Variants in ERCC5 observed in about 807,000 individuals in gnomAD.
ERCC5 encodes the protein DNA excision repair protein ERCC-5.
A neutral mutation model predicts 105.6 loss-of-function variants in ERCC5; 68 were observed. The observed-to-expected ratio is 0.64, with a 90% CI of 0.53 to 0.79. The LOEUF is 0.79. Ranked by LOEUF, ERCC5 falls within the 30% of genes least tolerant of loss-of-function variation. The probability of loss-of-function intolerance (pLI) is 0.00; values close to 1 mark genes in which losing one functional copy is unlikely to be tolerated. For synonymous variants in ERCC5, 546 were observed against 526.2 expected, an observed-to-expected ratio of 1.04 and a Z score of -0.51; for missense variants, 1,373 against 1,426.7, an observed-to-expected ratio of 0.96 and a Z score of 0.61.
intron 1 of ERCC5, chr13:102,849,358 A>G (rs768789289): frequency 1.9e-6 from 1 of 518,880 alleles, no homozygotes; most frequent in Non-Finnish European, 3.8e-6. Flanking sequence ...TGGCCGTATC[A>G]CCTCCTGCCA....
chr13:102,868,215 A>G lies in ERCC5; in HGVS notation c.2636A>G (p.Asn879Ser), dbSNP rs4150342. 18,736 of 1,614,222 alleles carry G rather than the reference A, an allele frequency of 0.012. 134 individuals are homozygous for G. The highest frequency in any genetic ancestry group is 0.019 in the Middle Eastern group (113 of 6,062). ...VGCVTAMEILNEFPGHGLEPL... is the reference protein window; with the variant it reads ...VGCVTAMEILSEFPGHGLEPL... ...TGTGTAACCGCCATGGAAATTCTCA[A>G]TGAATTCCCTGGGCATGGCCTGGAA... The change falls in exon 12 of 15, where the codon AAT (asparagine) becomes AGT (serine). Residue 879 changes from asparagine (N) to serine (S), a missense_variant. Around this residue, in one of 3 missense-constraint regions of ERCC5, gnomAD observed 2 missense variants for 16.8 expected, o/e 0.12. Coordinates refer to ENST00000652225, the MANE Select transcript of ERCC5 (RefSeq NM_000123.4).
At chr13:102,863,287 G>C (rs959970700) in intron 8 of ERCC5, among the ~76,000 whole-genome samples, 184 bp downstream of exon 8, 5 of 152,178 alleles carry the variant, frequency 3.3e-5, no homozygotes, top group African/African-American at 4.8e-5. Context: ...CCTTCCCTGT[G>C]TTGCTCTGCT....
In ERCC5 at chr13:102,854,303, C is replaced by A. The variant is rs1882317917; in HGVS notation, c.396C>A (p.Pro132=). 2 of 1,614,182 alleles carry A rather than the reference C, an allele frequency of 1.2e-6. No individual in the cohort carries two copies. Among genetic ancestry groups the A allele is most frequent in the Non-Finnish European group, 1.7e-6 (2 of 1,180,028 alleles). ...AFRSKRDEAL[P]SLTQVRREND... is the part of the protein sequence containing the mutation. ...TACTTTCCAGAGATGAAGCACTACC[C>A]AGTCTTACCCAAGTTCGAAGAGAAA... is the stretch of plus-strand genomic sequence containing the variant. Residue 132 remains proline (P), a synonymous_variant, in exon 4 of 15, where the codon CCC becomes CCA. Coordinates refer to ENST00000652225, the MANE Select transcript of ERCC5 (RefSeq NM_000123.4).
chr13:102,868,072 A>G, intron 11 of ERCC5, 41 bp from the exon 12 acceptor site: 1 of 1,581,842 alleles, frequency 6.3e-7, no homozygotes, highest in East Asian at 2.3e-5. Context: ...ATGTCATATA[A>G]GAAATCTTGA....
In ERCC5 at chr13:102,855,963, C is replaced by T; in HGVS notation, c.468-89C>T. On this transcript the variant is annotated intron_variant, in intron 4 of 14. Transcript: ENST00000652225. ...TTGCTGTTTTATTCACCACTGTAGC[C>T]CGTATAACGAGCAGAGCCTTGCATA... is the stretch of plus-strand genomic sequence containing the variant. 3 of 1,292,360 alleles carry T rather than the reference C, an allele frequency of 2.3e-6. No individual in the cohort carries two copies. In the South Asian group the frequency reaches 3.6e-5, roughly 15 times the overall value. The allele number at this position is 1,292,360 out of a possible 1,614,324, so 80.1% of individuals were successfully genotyped here. A position where few individuals can be genotyped will look rare whatever the true frequency, so the allele number is the denominator to read the frequency against.
In ERCC5 at chr13:102,846,297, G is replaced by A; in HGVS notation, c.31G>A (p.Glu11Lys). The change falls in exon 1 of 15, where the codon GAG becomes AAG. Residue 11 changes from glutamate (E) to lysine (K), a missense_variant. By Grantham distance (56) the Glu-to-Lys change is moderately conservative (BLOSUM62 1). Around this residue, in one of 3 missense-constraint regions of ERCC5, gnomAD observed 1,004 missense variants for 1,059.7 expected, o/e 0.95. Coordinates refer to ENST00000652225, the MANE Select transcript of ERCC5 (RefSeq NM_000123.4). ...GGTCCAGGGGCTCTGGAAGCTGCTG[G>A]AGTGCTCCGGGCGGCAGGTCAGCCC... Reference protein sequence around the residue: MGVQGLWKLLECSGRQVSPEA... With the variant: MGVQGLWKLLKCSGRQVSPEA... The A allele has an allele frequency of 6.2e-7, 1 of 1,614,018 alleles. No homozygotes were observed.
At chr13:102,858,251 G>C (rs1882495641) in intron 5 of ERCC5, 24 bp from the exon 6 acceptor site, 1 of 1,613,882 alleles carries the variant, frequency 6.2e-7, no homozygotes, top group Non-Finnish European at 8.5e-7. Flanking sequence ...TAAATTTCAT[G>C]GTGCTGTGAT....
At chr13:102,857,655 A>C (rs1882474342) in intron 5 of ERCC5, among the ~76,000 whole-genome samples, 1 of 152,174 alleles carries the variant, frequency 6.6e-6, no homozygotes, top group Non-Finnish European at 1.5e-5. Context: ...CTTATGTTAT[A>C]AGCAAAATAA....
At chr13:102,863,766 T>G (rs932804630) in intron 8 of ERCC5, among the ~76,000 whole-genome samples, 1 of 152,152 alleles carries the variant, frequency 6.6e-6, no homozygotes, top group Non-Finnish European at 1.5e-5. Context: ...CTGAGAGAGA[T>G]GACCAGAGGG....
intron 1 of ERCC5, among the ~76,000 whole-genome samples, chr13:102,850,245 G>A (rs1882155861): frequency 6.6e-6 from 1 of 152,100 alleles, no homozygotes; most frequent in Non-Finnish European, 1.5e-5. Flanking sequence ...TTTTTAAATA[G>A]GAATGTATAC....
chr13:102,875,553 A>C lies in ERCC5; in HGVS notation c.3211A>C (p.Lys1071Gln). 1 of 1,613,062 alleles carries C rather than the reference A, an allele frequency of 6.2e-7. No individual in the cohort carries two copies. Among genetic ancestry groups the C allele is most frequent in the East Asian group, 2.2e-5 (1 of 44,884 alleles). ...TACCTTAGAAGAGTCATCAAGCCTG[A>C]AAAGAAAGAGGCTTTCAGATTCTAA... ...TNTLEESSSL[K>Q]RKRLSDSKGK... Residue 1071 changes from lysine (K) to glutamine (Q), a missense_variant, in exon 15 of 15, where the codon AAA becomes CAA. Physicochemically the swap from Lys to Gln is moderately conservative, Grantham distance 53. Coordinates refer to ENST00000652225, the MANE Select transcript of ERCC5 (RefSeq NM_000123.4).
chr13:102,864,790 C>G (rs1566470074), intron 8 of ERCC5: 1 of 152,044 alleles, frequency 6.6e-6, no homozygotes, highest in Non-Finnish European at 1.5e-5. Context: ...AGCAACAGTG[C>G]CAGGAAGTAT....
At chr13:102,854,443 G>A in intron 4 of ERCC5, 69 bp downstream of exon 4, 2 of 1,461,774 alleles carry the variant, frequency 1.4e-6, no homozygotes, top group Non-Finnish European at 1.9e-6. Context: ...AAACCTTGAT[G>A]TGTTATCTAC....
chr13:102,848,364 A>G (rs1566462789), intron 1 of ERCC5, among the ~76,000 whole-genome samples: 2 of 152,204 alleles, frequency 1.3e-5, no homozygotes, highest in African/African-American at 4.8e-5. Flanking sequence ...TTGTATCTCT[A>G]TACTAAATTG....
chr13:102,855,686 T>C (rs1882386894), intron 4 of ERCC5, among the ~76,000 whole-genome samples: 1 of 152,232 alleles, frequency 6.6e-6, no homozygotes, highest in South Asian at 2.1e-4. Context: ...TTAGTTCTTT[T>C]GCCTGGAACA....
Position 102,873,356 on chromosome 13 carries a change from G to C in ERCC5, c.2964+13G>C. On this transcript the variant is annotated intron_variant, in intron 14 of 14. Coordinates refer to ENST00000652225, the MANE Select transcript of ERCC5 (RefSeq NM_000123.4). ...CGATGCCCAGCAGGTAATCATGGTG[G>C]ACCCTTCTCCTAAGTTCAGGATGAA... 6.2e-7 allele frequency: 1 copy of C among 1,614,066 alleles called. No homozygotes were observed. The highest frequency in any genetic ancestry group is 8.5e-7 in the Non-Finnish European group (1 of 1,179,974).
Position 102,872,242 on chromosome 13 carries a change from A to T in ERCC5, c.2723A>T (p.Asn908Ile). 6.2e-7 allele frequency: 1 copy of T among 1,614,058 alleles called. No homozygotes were observed. The highest frequency in any genetic ancestry group is 8.5e-7 in the Non-Finnish European group (1 of 1,180,016). The change falls in exon 13 of 15, where the codon AAT becomes ATT. Residue 908 changes from asparagine (N) to isoleucine (I), a missense_variant. Asn to Ile is a moderately radical substitution (Grantham distance 149). Around this residue, in one of 3 missense-constraint regions of ERCC5, gnomAD observed 367 missense variants for 350.2 expected, o/e 1.05. Transcript: ENST00000652225. ...EAQKNPKIRP[N>I]PHDTKVKKKL... ...CAAAAAAATCCAAAGATAAGACCTAATCCTCATGACACCAAAGTGAAAAAA... is the reference window on the plus strand; with the variant it reads ...CAAAAAAATCCAAAGATAAGACCTATTCCTCATGACACCAAAGTGAAAAAA...
intron 12 of ERCC5, among the ~76,000 whole-genome samples, chr13:102,868,713 G>C (rs1208949207): frequency 6.6e-6 from 1 of 152,218 alleles, no homozygotes; most frequent in African/African-American, 2.4e-5. Flanking sequence ...AAGCGACTTG[G>C]AAATATAATG....
At position 102,854,344 on chromosome 13, in the gene ERCC5, T is replaced by G; in HGVS notation, c.437T>G (p.Leu146Trp). Reference protein sequence around the residue: ...QVRRENDLYVLPPLQEEEKHS... With the variant: ...QVRRENDLYVWPPLQEEEKHS... Reference sequence around the variant, plus strand: ...CGAAGAGAAAACGACCTCTATGTTTTGCCTCCTTTACAAGAGGAAGAAAAA... The same window carrying G: ...CGAAGAGAAAACGACCTCTATGTTTGGCCTCCTTTACAAGAGGAAGAAAAA... The change falls in exon 4 of 15, where the codon TTG (leucine) becomes TGG (tryptophan). Residue 146 changes from leucine to tryptophan, a missense_variant. Transcript: ENST00000652225. 1.2e-6 allele frequency: 2 copies of G among 1,614,218 alleles called. No homozygotes were observed. The highest frequency in any genetic ancestry group is 1.7e-6 in the Non-Finnish European group (2 of 1,180,034).
Sources: allele counts gnomAD v4.1 joint callset (sites outside exome capture counted in the v4.1 genomes callset), GRCh38; gene constraint gnomAD v4.1.1; regional missense constraint gnomAD v4.1.1; transcripts MANE v1.5; gene names NCBI Gene and HGNC (gene_info 2026-07-23, HGNC 2026-07-21).